Variants in OXR1 observed in about 807,000 individuals in gnomAD.
The protein encoded by OXR1 is oxidation resistance 1, also known as oxidation resistance protein 1.
A neutral mutation model predicts 104.6 loss-of-function variants in OXR1; 41 were observed. The ratio of observed to expected loss-of-function variants is 0.39; its 90% CI spans 0.31 to 0.51. The LOEUF (loss-of-function observed/expected upper bound fraction) is 0.51, where lower values mean the gene tolerates loss of function less well. OXR1 is among the 20% of genes least tolerant of loss of function. The pLI, the probability that OXR1 is intolerant of heterozygous loss-of-function variation, is 0.77. For missense variants in OXR1, 955 were observed against 1,031.9 expected, an observed-to-expected ratio of 0.93 and a Z score of 1.02; for synonymous variants, 348 against 348.4, an observed-to-expected ratio of 1.00 and a Z score of 0.01.
chr8:106,381,129 A>G (rs939971981), intron 2 of OXR1, among the ~76,000 whole-genome samples: 1 of 152,192 alleles, frequency 6.6e-6, no homozygotes, highest in African/African-American at 2.4e-5. Context: ...TCCATAAAGA[A>G]TAGATAGCTG....
intron 2 of OXR1, among the ~76,000 whole-genome samples, chr8:106,490,940 A>G (rs1410230545): frequency 6.6e-6 from 1 of 152,158 alleles, no homozygotes; most frequent in Non-Finnish European, 1.5e-5. Context: ...ACATTTATAT[A>G]TTTATATGAT....
In OXR1 at chr8:106,382,682, G is replaced by GTTTT. The variant is rs35296978; in HGVS notation, c.23+23069_23+23072dup. ...TCCTATCCAGGTCTGAGAACTATAGGTTTTTTTTTTTTTTTTTTTTTTTTT... is the reference window on the plus strand; with the variant it reads ...TCCTATCCAGGTCTGAGAACTATAGGTTTTTTTTTTTTTTTTTTTTTTTTTTTTT... On this transcript the variant is annotated intron_variant, in intron 2 of 16. Coordinates refer to ENST00000517566, the MANE Select transcript of OXR1 (RefSeq NM_001198533.2). 4.5e-4 allele frequency among the ~76,000 whole-genome samples: 39 copies of GTTTT among 86,214 alleles called. 2 individuals are homozygous for GTTTT. Among genetic ancestry groups the GTTTT allele is most frequent in the South Asian group, 2.6e-3 (5 of 1,892 alleles). 56.6% of individuals were successfully genotyped at this position (86,214 alleles called of 152,430 possible). A position where few individuals can be genotyped will look rare whatever the true frequency, so the allele number is the denominator to read the frequency against.
chr8:106,552,421 G>C (rs955020552), intron 3 of OXR1, among the ~76,000 whole-genome samples: 3 of 152,086 alleles, frequency 2.0e-5, no homozygotes, highest in African/African-American at 7.2e-5. Flanking sequence ...TGGGCAGCTA[G>C]CTATGCTTTC....
intron 10 of OXR1, among the ~76,000 whole-genome samples, chr8:106,713,015 A>G (rs756166397): frequency 2.6e-5 from 4 of 152,006 alleles, no homozygotes; most frequent in Non-Finnish European, 5.9e-5. Flanking sequence ...TGCTGCATAG[A>G]TAGTGAGAAA....
At chr8:106,375,113 G>A (rs1410503441) in intron 2 of OXR1, among the ~76,000 whole-genome samples, 1 of 152,126 alleles carries the variant, frequency 6.6e-6, no homozygotes, top group Non-Finnish European at 1.5e-5. Flanking sequence ...GGTTTTTATA[G>A]TATCATTAAA....
chr8:106,446,633 A>G (rs1041781680), intron 2 of OXR1, among the ~76,000 whole-genome samples: 6 of 151,766 alleles, frequency 4.0e-5, no homozygotes, highest in Non-Finnish European at 7.4e-5. Context: ...AAAAAAAACT[A>G]AAAAATCAAA....
chr8:106,702,161 G>A (rs1332108809), intron 7 of OXR1, among the ~76,000 whole-genome samples: 1 of 152,040 alleles, frequency 6.6e-6, no homozygotes, highest in Non-Finnish European at 1.5e-5. Context: ...TAGAGATGGG[G>A]TTTCACCATG....
intron 3 of OXR1, among the ~76,000 whole-genome samples, chr8:106,635,642 G>T (rs1040439505): frequency 1.1e-4 from 17 of 151,982 alleles, no homozygotes; most frequent in Non-Finnish European, 1.9e-4. Flanking sequence ...ACAGGGTTTT[G>T]CCATGTTCCC....
chr8:106,423,523 G>A (rs1325046066), intron 2 of OXR1, among the ~76,000 whole-genome samples: 1 of 152,160 alleles, frequency 6.6e-6, no homozygotes, highest in Non-Finnish European at 1.5e-5. Flanking sequence ...AGGTAAATTA[G>A]CTAATCCAAA....
At chr8:106,293,962 TTAA>T (rs1812864844) in intron 1 of OXR1, among the ~76,000 whole-genome samples, 1 of 97,908 alleles carries the variant, frequency 1.0e-5, no homozygotes, top group South Asian at 4.8e-4. Flanking sequence ...ATATGACAGT[TTAA>T]TTTTTTTTTT....
At chr8:106,517,724 A>G (rs1025688321) in intron 2 of OXR1, among the ~76,000 whole-genome samples, 1 of 152,214 alleles carries the variant, frequency 6.6e-6, no homozygotes, top group African/African-American at 2.4e-5. Context: ...TTAAAAATGT[A>G]CTTGTTGCCA....
At chr8:106,299,405 G>A (rs1174262725) in intron 1 of OXR1, among the ~76,000 whole-genome samples, 1 of 152,096 alleles carries the variant, frequency 6.6e-6, no homozygotes, top group African/African-American at 2.4e-5. Context: ...AGCTGCTACA[G>A]TATAGTAGCA....
chr8:106,421,331 A>T (rs946111327), intron 2 of OXR1, among the ~76,000 whole-genome samples: 4 of 152,204 alleles, frequency 2.6e-5, no homozygotes, highest in Non-Finnish European at 4.4e-5. Flanking sequence ...CAAGTGTATC[A>T]GTTATCTTAT....
intron 3 of OXR1, among the ~76,000 whole-genome samples, chr8:106,585,722 T>C (rs1043473379): frequency 1.3e-5 from 2 of 152,048 alleles, no homozygotes; most frequent in African/African-American, 4.8e-5. Context: ...TCTTTAATGG[T>C]AGTAAGAGTA....
intron 1 of OXR1, among the ~76,000 whole-genome samples, chr8:106,335,034 A>T (rs910976391): frequency 6.6e-6 from 1 of 151,802 alleles, no homozygotes; most frequent in African/African-American, 2.4e-5. Flanking sequence ...TGACACACAC[A>T]CACACAAATG....
chr8:106,726,728 A>AT (rs894959450), intron 11 of OXR1, among the ~76,000 whole-genome samples: 2 of 152,176 alleles, frequency 1.3e-5, no homozygotes, highest in Admixed American at 1.3e-4. Context: ...TAAGGGTATA[A>AT]TTTTAAGAAT....
intron 7 of OXR1, among the ~76,000 whole-genome samples, chr8:106,693,424 CTT>C (rs11384137): frequency 6.2e-5 from 6 of 97,548 alleles, no homozygotes; most frequent in African/African-American, 4.1e-5. Context: ...TAGTCAGAAT[CTT>C]TTTTTTTTTT....
At chr8:106,571,918 G>A (rs1396480952) in intron 3 of OXR1, among the ~76,000 whole-genome samples, 4 of 152,128 alleles carry the variant, frequency 2.6e-5, no homozygotes, top group South Asian at 4.1e-4. Context: ...AGATCTTAAG[G>A]CTCAAAAATA....
chr8:106,709,136 T>C (rs35108468), intron 9 of OXR1, among the ~76,000 whole-genome samples: 21,124 of 152,112 alleles, frequency 0.14, 1,779 homozygotes, highest in East Asian at 0.36. Context: ...TTTATAAAAA[T>C]CTTCTGGAAT....
Sources: allele counts gnomAD v4.1 joint callset (sites outside exome capture counted in the v4.1 genomes callset), GRCh38; gene constraint gnomAD v4.1.1; transcripts MANE v1.5; gene names NCBI Gene and HGNC (gene_info 2026-07-23, HGNC 2026-07-21).